Variants in TNS2 observed in about 807,000 individuals in gnomAD.
The protein encoded by TNS2 is tensin-2.
In TNS2, 77 loss-of-function variants were observed where a neutral mutation model predicts 155.7. The observed-to-expected ratio is 0.49, with a 90% CI of 0.41 to 0.60. TNS2 has a LOEUF of 0.60. Ranked by LOEUF, TNS2 falls within the 20% of genes least tolerant of loss-of-function variation. The pLI is 0.00. For missense variants in TNS2, 1,703 were observed against 1,868.8 expected (o/e 0.91, Z 1.64); for synonymous variants, 726 against 763.9 (o/e 0.95, Z 0.82).
chr12:53,059,739 C>T lies in TNS2; in HGVS notation c.2098C>T (p.Pro700Ser). 2 of 1,612,968 alleles carry T rather than the reference C, an allele frequency of 1.2e-6. No homozygotes were observed. Among genetic ancestry groups the T allele is most frequent in the Non-Finnish European group, 1.7e-6 (2 of 1,179,824 alleles). The change falls in exon 18 of 29, where the codon CCT (proline) becomes TCT (serine). Residue 700 changes from proline (P) to serine (S), a missense_variant. Physicochemically the swap from Pro to Ser is moderately conservative, Grantham distance 74 (BLOSUM62 -1). Transcript: ENST00000314250. The surrounding 1 kb of genome is among the most constrained non-coding windows in gnomAD (Gnocchi z 4.7). ...AGCCTGCGAGGAGAAGCTGGCGCTGCCTACAGCAGCCTTGTATGGACTGCG... is the reference window on the plus strand; with the variant it reads ...AGCCTGCGAGGAGAAGCTGGCGCTGTCTACAGCAGCCTTGTATGGACTGCG... ...CPACEEKLALPTAALYGLRLE... is the reference protein window; with the variant it reads ...CPACEEKLALSTAALYGLRLE...
chr12:53,063,758 T>C lies in TNS2; in HGVS notation c.4106T>C (p.Val1369Ala). Residue 1369 changes from valine to alanine, a missense_variant, in exon 29 of 29, where the codon GTG (valine) becomes GCG (alanine). Val to Ala is a moderately conservative substitution (Grantham distance 64). Transcript: ENST00000314250. This position sits in a 1 kb window ranked among gnomAD's most constrained non-coding sequence, Gnocchi z 5.6. ...TATCCCCCTAGGATCTTTGGTTTCG[T>C]GGCCAAGAAGCCGGGAAGCCCCTGG... ...DGTTSKIFGF[V>A]AKKPGSPWEN... is the part of the protein sequence containing the mutation. The C allele has an allele frequency of 6.2e-7, 1 of 1,614,186 alleles. No homozygotes were observed. Among genetic ancestry groups the C allele is most frequent in the Non-Finnish European group, 8.5e-7 (1 of 1,180,018 alleles).
Position 53,061,816 on chromosome 12 carries a change from C to T in TNS2, c.3450C>T (p.Ala1150=). The T allele has an allele frequency of 2.5e-6, 4 of 1,612,190 alleles. No homozygotes were observed. Among genetic ancestry groups the T allele is most frequent in the Non-Finnish European group, 8.5e-7 (1 of 1,179,084 alleles). Residue 1150 remains alanine (A), a splice_region_variant and synonymous_variant, in exon 22 of 29, where the codon GCC becomes GCT. Transcript: ENST00000314250. ...TGCCCGCTACCCCTCACCCTGCAGC[C>T]ATTGCCCTGCTGAAGGACAAGGACC... ...WYKPHLSRDQ[A]IALLKDKDPG... is the part of the protein sequence containing the mutation.
At chr12:53,052,363 CT>C (rs1177251780) in intron 2 of TNS2, 91 bp from the exon 3 acceptor site, 1 of 1,532,136 alleles carries the variant, frequency 6.5e-7, no homozygotes, top group Non-Finnish European at 9.0e-7. Context: ...GTCCCAGGGT[CT>C]GGTTCCAGGG....
At position 53,059,059 on chromosome 12, in the gene TNS2, A is replaced by G. The variant is rs1565608410; in HGVS notation, c.1418A>G (p.His473Arg). ...CTTCCCCACTCAGGCTCCTTGACCC[A>G]CACCCGGGGTCCCCTGGATGGCAGT... is the stretch of plus-strand genomic sequence containing the variant. Reference protein sequence around the residue: ...HEDSVDGSLTHTRGPLDGSPY... With the variant: ...HEDSVDGSLTRTRGPLDGSPY... Residue 473 changes from histidine (H) to arginine (R), a missense_variant, in exon 18 of 29, where the codon CAC (histidine) becomes CGC (arginine). By Grantham distance (29) the His-to-Arg change is conservative. Coordinates refer to ENST00000314250, the MANE Select transcript of TNS2 (RefSeq NM_170754.4). This position sits in a 1 kb window ranked among gnomAD's most constrained non-coding sequence, Gnocchi z 4.7. 5.9e-6 allele frequency: 9 copies of G among 1,532,790 alleles called. No homozygotes were observed. Among genetic ancestry groups the G allele is most frequent in the Middle Eastern group, 1.8e-4 (1 of 5,660 alleles). The allele number at this position is 1,532,790 out of a possible 1,614,324, so 94.9% of individuals were successfully genotyped here. A position where few individuals can be genotyped will look rare whatever the true frequency, so the allele number is the denominator to read the frequency against.
At chr12:53,048,382 T>C (rs1240451821), upstream of TNS2, among the ~76,000 whole-genome samples, 5 of 152,238 alleles carry the variant, frequency 3.3e-5, no homozygotes, top group South Asian at 4.1e-4. Flanking sequence ...GAGTGAAGCA[T>C]GTAGAGGAGT....
In TNS2 at chr12:53,060,688, G is replaced by A; in HGVS notation, c.2782G>A (p.Asp928Asn). Residue 928 changes from aspartate (D) to asparagine (N), a missense_variant, in exon 20 of 29, where the codon GAC becomes AAC. Coordinates refer to ENST00000314250, the MANE Select transcript of TNS2 (RefSeq NM_170754.4). This position sits in a 1 kb window ranked among gnomAD's most constrained non-coding sequence, Gnocchi z 6.1. ...VQGKESTRRQDTRSPTSAPTQ... is the reference protein window; with the variant it reads ...VQGKESTRRQNTRSPTSAPTQ... ...TCCACCCTACAGCACCCGGCGACAG[G>A]ACACCAGGTCCCCCACCTCAGCGCC... is the stretch of plus-strand genomic sequence containing the variant. 5 of 1,581,338 alleles carry A rather than the reference G, an allele frequency of 3.2e-6. No individual in the cohort carries two copies. The highest frequency in any genetic ancestry group is 4.3e-6 in the Non-Finnish European group (5 of 1,159,314).
Position 53,050,489 on chromosome 12 carries a change from C to T in TNS2, c.75+229C>T, listed in dbSNP as rs1943891491. Among the ~76,000 whole-genome samples, 1 of 152,072 alleles carries T rather than the reference C, an allele frequency of 6.6e-6. No homozygotes were observed. Among genetic ancestry groups the T allele is most frequent in the Non-Finnish European group, 1.5e-5 (1 of 67,990 alleles). On this transcript the variant is annotated intron_variant, in intron 1 of 28. Coordinates refer to ENST00000314250, the MANE Select transcript of TNS2 (RefSeq NM_170754.4). The surrounding 1 kb of genome is among the most constrained non-coding windows in gnomAD (Gnocchi z 4.7). ...CTCCTCTCACCTTCCCTGCTCTAGC[C>T]TGGGCCAACCCCAGGAGGTCCTGGC...
rs1441927061 is a variant in TNS2 at position 53,057,033 on chromosome 12, C to A, written c.782C>A (p.Thr261Asn). 1 of 1,613,772 alleles carries A rather than the reference C, an allele frequency of 6.2e-7. No homozygotes were observed. Among genetic ancestry groups the A allele is most frequent in the Admixed American group, 1.7e-5 (1 of 59,988 alleles). ...ISAGADQALA[T>N]LTMRKFCEDK... ...CCCAGGGCGGACCAGGCACTGGCCA[C>A]TCTTACCATGCGGAAATTCTGCGAG... Residue 261 changes from threonine (T) to asparagine (N), a missense_variant, in exon 11 of 29, where the codon ACT (threonine) becomes AAT (asparagine). Physicochemically the swap from Thr to Asn is moderately conservative, Grantham distance 65. Coordinates refer to ENST00000314250, the MANE Select transcript of TNS2 (RefSeq NM_170754.4).
At chr12:53,052,254 C>T in intron 2 of TNS2, 1 of 683,458 alleles carries the variant, frequency 1.5e-6, no homozygotes, top group African/African-American at 1.8e-5. Context: ...GGAACGTTAC[C>T]CCTGGCCTGG....
chr12:53,059,126 G>A lies in TNS2; in HGVS notation c.1485G>A (p.Pro495=), dbSNP rs756923365. 23 of 1,573,448 alleles carry A rather than the reference G, an allele frequency of 1.5e-5. No homozygotes were observed. The highest frequency in any genetic ancestry group is 2.2e-5 in the East Asian group (1 of 44,686). ...AGCGGCCTCCCCGGCAGACCCCCCC[G>A]GCACCCTCTCCAGAGCCTCCACCAC... The part of the protein sequence containing the change: ...QVQRPPRQTP[P]APSPEPPPPP... The change falls in exon 18 of 29, where the codon CCG becomes CCA. Residue 495 remains proline (P), a synonymous_variant. Transcript: ENST00000314250. This position sits in a 1 kb window ranked among gnomAD's most constrained non-coding sequence, Gnocchi z 4.7.
intron 6 of TNS2, 34 bp from the exon 7 acceptor site, chr12:53,054,236 C>T (rs1944045389): frequency 3.1e-6 from 5 of 1,609,704 alleles, no homozygotes; most frequent in African/African-American, 1.3e-5. Context: ...GGGTGCCCCG[C>T]CCCTGCGTTC....
rs747033583 is a variant in TNS2, at chr12:53,059,597, C to T, written c.1956C>T (p.Tyr652=). 1.2e-6 allele frequency: 2 copies of T among 1,611,284 alleles called. No homozygotes were observed. The highest frequency in any genetic ancestry group is 1.1e-5 in the South Asian group (1 of 90,860). Reference sequence around the variant, plus strand: ...GCCGATCGCTGTCAGAGGGGCTATACCCCTACCCACCTGAGATGGGGAAAC... The same window carrying T: ...GCCGATCGCTGTCAGAGGGGCTATATCCCTACCCACCTGAGATGGGGAAAC... ...RLCRSLSEGL[Y]PYPPEMGKPA... Residue 652 remains tyrosine (Y), a synonymous_variant, in exon 18 of 29, where the codon TAC becomes TAT. Transcript: ENST00000314250. This position sits in a 1 kb window ranked among gnomAD's most constrained non-coding sequence, Gnocchi z 4.7.
At chr12:53,048,570 G>A (rs1346292784), upstream of TNS2, among the ~76,000 whole-genome samples, 1 of 152,184 alleles carries the variant, frequency 6.6e-6, no homozygotes, top group Non-Finnish European at 1.5e-5. Flanking sequence ...ACACAGCCAG[G>A]CTGGCAGGAT....
rs760489247 is a variant in TNS2, at chr12:53,063,306, C to T, written c.3993-43C>T. 57 of 1,613,794 alleles carry T rather than the reference C, an allele frequency of 3.5e-5. No individual in the cohort carries two copies. Among genetic ancestry groups the T allele is most frequent in the Non-Finnish European group, 4.3e-5 (51 of 1,179,936 alleles). ...ACCCCATGCTTAAGGCCCCTGGGGG[C>T]TCATGTTTCTGAGTGTGACCTTCCT... On this transcript the variant is annotated intron_variant, in intron 26 of 28. Coordinates refer to ENST00000314250, the MANE Select transcript of TNS2 (RefSeq NM_170754.4). This position sits in a 1 kb window ranked among gnomAD's most constrained non-coding sequence, Gnocchi z 5.6.
chr12:53,058,662 G>A, intron 16 of TNS2, 25 bp downstream of exon 16: 1 of 1,614,018 alleles, frequency 6.2e-7, no homozygotes, highest in Non-Finnish European at 8.5e-7. Flanking sequence ...ATGGGCTGGG[G>A]ACTGAGGGCC....
At chr12:53,058,975 C>T (rs1164065391) in intron 17 of TNS2, 72 bp from the exon 18 acceptor site, 3 of 1,538,962 alleles carry the variant, frequency 1.9e-6, no homozygotes, top group African/African-American at 2.7e-5. Context: ...AGTGCCATCC[C>T]CTCTCATGAA....
Position 53,059,412 on chromosome 12 carries a change from C to T in TNS2, c.1771C>T (p.His591Tyr). The change falls in exon 18 of 29, where the codon CAC becomes TAC. Residue 591 changes from histidine to tyrosine, a missense_variant. By Grantham distance (83) the His-to-Tyr change is moderately conservative. Transcript: ENST00000314250. This position sits in a 1 kb window ranked among gnomAD's most constrained non-coding sequence, Gnocchi z 4.7. ...YPGHRPGLSR[H>Y]CSCRQGYREP... ...AGGCCATAGGCCTGGCCTCAGCCGC[C>T]ACTGCTCCTGCCGCCAGGGCTACCG... 1 of 1,477,370 alleles carries T rather than the reference C, an allele frequency of 6.8e-7. No individual in the cohort carries two copies. The allele number at this position is 1,477,370 out of a possible 1,614,324, so 91.5% of individuals were successfully genotyped here.
Position 53,061,381 on chromosome 12 carries a change from G to T in TNS2, c.3360G>T (p.Glu1120Asp). The change falls in exon 21 of 29, where the codon GAG (glutamate) becomes GAT (aspartate). Residue 1120 changes from glutamate (E) to aspartate (D), a missense_variant and splice_region_variant. Coordinates refer to ENST00000314250, the MANE Select transcript of TNS2 (RefSeq NM_170754.4). ...GAACCTACTCCCTCCCTGTCCTAGAGCCTCCTACACAAGAGAGCCAAAGCA... is the reference window on the plus strand; with the variant it reads ...GAACCTACTCCCTCCCTGTCCTAGATCCTCCTACACAAGAGAGCCAAAGCA... ...LLSDNVPQTP[E>D]PPTQESQSNV... 1 of 1,614,032 alleles carries T rather than the reference G, an allele frequency of 6.2e-7. No homozygotes were observed. Among genetic ancestry groups the T allele is most frequent in the Non-Finnish European group, 8.5e-7 (1 of 1,179,996 alleles).
At chr12:53,058,981 A>G in intron 17 of TNS2, 66 bp from the exon 18 acceptor site, 1 of 1,536,052 alleles carries the variant, frequency 6.5e-7, no homozygotes, top group Admixed American at 1.9e-5. Flanking sequence ...ATCCCCTCTC[A>G]TGAATTTTCT....
Sources: gnomAD v4.1 joint callset for allele counts (sites outside exome capture counted in the v4.1 genomes callset) on GRCh38, gnomAD v4.1.1 for gene constraint, Gnocchi (gnomAD v3.1) non-coding constraint, MANE v1.5 for transcripts, NCBI Gene and HGNC (gene_info 2026-07-23, HGNC 2026-07-21) for gene names.